Variants in HIVEP3 observed in about 807,000 individuals in gnomAD.
The protein encoded by HIVEP3 is transcription factor HIVEP3.
HIVEP3 carries 49 observed loss-of-function variants against 152.8 expected under a neutral mutation model. That is an observed-to-expected ratio of 0.32 (90% CI 0.26 to 0.41). The LOEUF is 0.41. HIVEP3 is among the 10% of genes least tolerant of loss of function. The pLI, the probability that HIVEP3 is intolerant of heterozygous loss-of-function variation, is 1.00. For synonymous variants in HIVEP3, 1,269 were observed against 1,289.0 expected, an observed-to-expected ratio of 0.98 and a Z score of 0.33; for missense variants, 2,790 against 3,103.3, an observed-to-expected ratio of 0.90 and a Z score of 2.40.
At chr1:41,994,117 A>T (rs1472647984) in intron 1 of HIVEP3, among the ~76,000 whole-genome samples, 13 of 151,838 alleles carry the variant, frequency 8.6e-5, no homozygotes, top group African/African-American at 2.7e-4. Context: ...AACCTGCACA[A>T]TGTGCACATG....
At chr1:41,907,461 C>T (rs1245330193) in intron 1 of HIVEP3, among the ~76,000 whole-genome samples, 1 of 152,200 alleles carries the variant, frequency 6.6e-6, no homozygotes, top group African/African-American at 2.4e-5. Flanking sequence ...AGACAGCACC[C>T]ATATGAGGTG....
chr1:41,654,504 A>G (rs1645601330), intron 2 of HIVEP3, among the ~76,000 whole-genome samples: 3 of 152,180 alleles, frequency 2.0e-5, no homozygotes, highest in Admixed American at 2.0e-4. Context: ...AGATTGACAG[A>G]AAAGTTGCAA....
chr1:41,756,454 TTC>T (rs1434450789), intron 1 of HIVEP3, among the ~76,000 whole-genome samples: 1 of 152,222 alleles, frequency 6.6e-6, no homozygotes, highest in African/African-American at 2.4e-5. Flanking sequence ...TGATTCCTGG[TTC>T]TTTTTCCAAA....
At chr1:41,640,780 A>G (rs1328384958) in intron 2 of HIVEP3, among the ~76,000 whole-genome samples, 1 of 152,170 alleles carries the variant, frequency 6.6e-6, no homozygotes, top group Non-Finnish European at 1.5e-5. Context: ...CAGTCATACT[A>G]ATGCTACGGT....
In HIVEP3 at chr1:41,582,798, G is replaced by A. The variant is rs1248948887; in HGVS notation, c.2000C>T (p.Ser667Leu). The A allele has an allele frequency of 6.2e-7, 1 of 1,614,170 alleles. No individual in the cohort carries two copies. Among genetic ancestry groups the A allele is most frequent in the Admixed American group, 1.7e-5 (1 of 60,020 alleles). Reference protein sequence around the residue: ...NYEAHKKYYCSELQIAKPISA... With the variant: ...NYEAHKKYYCLELQIAKPISA... ...GATGGGCTTTGCGATCTGAAGCTCT[G>A]AGCAGTAGTATTTTTTGTGGGCTTC... The change falls in exon 4 of 9, where the codon TCA becomes TTA. Residue 667 changes from serine (S) to leucine (L), a missense_variant. Ser to Leu is a moderately radical substitution (Grantham distance 145, BLOSUM62 -2). This residue lies in a region of HIVEP3 where 339 missense variants were observed against 327.0 expected (regional missense o/e 1.04). Transcript: ENST00000372583. This position sits in a 1 kb window ranked among gnomAD's most constrained non-coding sequence, Gnocchi z 4.7.
At chr1:41,744,700 G>A (rs1331650793) in intron 1 of HIVEP3, among the ~76,000 whole-genome samples, 1 of 152,176 alleles carries the variant, frequency 6.6e-6, no homozygotes, top group Non-Finnish European at 1.5e-5. Flanking sequence ...GCTCATTCAA[G>A]GGGTGAACAA....
At position 41,934,471 on chromosome 1, in the gene HIVEP3, C is replaced by T. The variant is rs376116565; in HGVS notation, n.120-15947G>A. ...CAAGAAAAGTTGTGAACTTTCTATT[C>T]GTAAAGATTTTTTTTCACCATAAGT... On this transcript the variant is annotated intron_variant and non_coding_transcript_variant, in intron 1 of 3. Transcript: ENST00000489103. Among the ~76,000 whole-genome samples the T allele has an allele frequency of 3.0e-4, 45 of 152,196 alleles. No individual in the cohort carries two copies. In the South Asian group the frequency reaches 7.0e-3, roughly 24 times the overall value.
intron 5 of HIVEP3, among the ~76,000 whole-genome samples, chr1:41,548,567 C>T (rs529549734): frequency 6.6e-6 from 1 of 151,480 alleles, no homozygotes; most frequent in African/African-American, 2.4e-5. Flanking sequence ...CCGAGTTTTG[C>T]TCTTGTTGCC....
chr1:41,521,728 G>A (rs1030278165), intron 6 of HIVEP3, among the ~76,000 whole-genome samples: 8 of 152,228 alleles, frequency 5.3e-5, no homozygotes, highest in African/African-American at 1.7e-4. Context: ...GGGAAGAGGC[G>A]GAACCTCCGA....
chr1:41,559,867 C>T (rs750615846), intron 5 of HIVEP3, among the ~76,000 whole-genome samples: 12 of 152,218 alleles, frequency 7.9e-5, no homozygotes, highest in Non-Finnish European at 1.5e-4. Flanking sequence ...GTGAGTACTT[C>T]ATAGGTAGCA....
intron 1 of HIVEP3, among the ~76,000 whole-genome samples, chr1:41,767,502 C>T (rs1648088528): frequency 6.6e-6 from 1 of 152,158 alleles, no homozygotes; most frequent in Non-Finnish European, 1.5e-5. Flanking sequence ...AGGGTGTGGG[C>T]CCCACCAGTT....
At chr1:41,527,022 C>A in intron 5 of HIVEP3, among the ~76,000 whole-genome samples, 1 of 98,570 alleles carries the variant, frequency 1.0e-5, no homozygotes, top group Non-Finnish European at 2.1e-5. Context: ...CACCCCCACA[C>A]TCACCCCCCA....
chr1:41,592,976 CA>C (rs929655075), intron 3 of HIVEP3, among the ~76,000 whole-genome samples: 3 of 152,202 alleles, frequency 2.0e-5, no homozygotes, highest in Non-Finnish European at 4.4e-5. Flanking sequence ...TCACCACCTC[CA>C]CCCCTGTCCC....
At chr1:41,639,037 T>TG (rs1409270507) in intron 2 of HIVEP3, among the ~76,000 whole-genome samples, 3 of 152,174 alleles carry the variant, frequency 2.0e-5, no homozygotes, top group Admixed American at 1.3e-4. Flanking sequence ...TCCTGACACG[T>TG]GGCCCTTCCC....
chr1:41,659,793 G>T (rs186621294), intron 2 of HIVEP3, among the ~76,000 whole-genome samples: 202 of 152,356 alleles, frequency 1.3e-3, no homozygotes, highest in Non-Finnish European at 2.3e-3. Flanking sequence ...GAAATGCGGC[G>T]TTGGGTTGGC....
intron 1 of HIVEP3, among the ~76,000 whole-genome samples, chr1:41,829,223 T>C (rs1365000343): frequency 6.6e-6 from 1 of 152,256 alleles, no homozygotes; most frequent in Non-Finnish European, 1.5e-5. Flanking sequence ...AAAAAGTCTT[T>C]GCTTTTATCT....
At chr1:41,843,575 G>A (rs1643350438) in intron 1 of HIVEP3, among the ~76,000 whole-genome samples, 1 of 151,638 alleles carries the variant, frequency 6.6e-6, no homozygotes, top group Non-Finnish European at 1.5e-5. Context: ...GCTAAAGACG[G>A]GTAGTTTAAG....
At chr1:41,763,085 T>C (rs1647796215) in intron 1 of HIVEP3, among the ~76,000 whole-genome samples, 1 of 152,190 alleles carries the variant, frequency 6.6e-6, no homozygotes, top group Admixed American at 6.5e-5. Context: ...CAGAGTGTCA[T>C]GGTCACCTTG....
At chr1:41,980,802 C>T (rs77165808) in intron 1 of HIVEP3, among the ~76,000 whole-genome samples, 2,645 of 152,280 alleles carry the variant, frequency 0.017, 43 homozygotes, top group Non-Finnish European at 0.027. Flanking sequence ...AACCCTAAAC[C>T]ACATGTCAGC....
Sources: gnomAD v4.1 joint callset for allele counts (sites outside exome capture counted in the v4.1 genomes callset) on GRCh38, gnomAD v4.1.1 for gene constraint, gnomAD v4.1.1 regional missense constraint, Gnocchi (gnomAD v3.1) non-coding constraint, MANE v1.5 for transcripts, NCBI Gene and HGNC (gene_info 2026-07-23, HGNC 2026-07-21) for gene names.